The following XPO4 variants were observed in gnomAD, a reference collection of about 807,000 sequenced individuals.
XPO4 encodes exportin-4.
Under a neutral mutation model 143.0 loss-of-function variants are expected in XPO4, and 39 were observed. The observed-to-expected ratio is 0.27, with a 90% CI of 0.21 to 0.36. The LOEUF (loss-of-function observed/expected upper bound fraction) is 0.36. XPO4 is among the 10% of genes least tolerant of loss of function. XPO4 has a pLI of 1.00. For synonymous variants in XPO4, 439 were observed against 474.0 expected (o/e 0.93, Z 0.96); for missense variants, 907 against 1,348.0 (o/e 0.67, Z 5.12).
chr13:20,857,732 C>CA (rs2060158899), intron 3 of XPO4: 1 of 723,240 alleles, frequency 1.4e-6, no homozygotes. Flanking sequence ...ATCTCAAAAA[C>CA]AAACAAAAAA....
intron 13 of XPO4, among the ~76,000 whole-genome samples, chr13:20,806,523 A>ATTCACT (rs932915682): frequency 7.6e-6 from 1 of 131,276 alleles, no homozygotes; most frequent in African/African-American, 2.8e-5. Flanking sequence ...TTGTTTTCAA[A>ATTCACT]TTCACTTTCA....
At chr13:20,859,785 TAA>T (rs531329457) in intron 3 of XPO4, 294 of 677,218 alleles carry the variant, frequency 4.3e-4, no homozygotes, top group Middle Eastern at 2.3e-3. Flanking sequence ...CAAAAAAAAT[TAA>T]AAAAAAAAAA....
intron 2 of XPO4, among the ~76,000 whole-genome samples, chr13:20,864,433 A>G (rs2060227307): frequency 6.6e-6 from 1 of 152,224 alleles, no homozygotes; most frequent in Admixed American, 6.5e-5. Context: ...GATTTCAACA[A>G]TGAAGCAAAA....
chr13:20,896,953 T>C (rs7320094), intron 1 of XPO4, among the ~76,000 whole-genome samples: 151,373 of 152,334 alleles, frequency 0.99, 75,226 homozygotes, highest in East Asian at 1. Context: ...AATGCCTTTT[T>C]GCATTTCTTC....
At position 20,797,446 on chromosome 13, in the gene XPO4, G is replaced by GT. The variant is rs562922505; in HGVS notation, c.2323-390dup. 1.5e-3 allele frequency among the ~76,000 whole-genome samples: 234 copies of GT among 152,244 alleles called. 1 individual carries two copies. Among genetic ancestry groups the GT allele is most frequent in the African/African-American group, 4.3e-3 (177 of 41,544 alleles). On this transcript the variant is annotated intron_variant, in intron 16 of 22. Coordinates refer to ENST00000255305, the MANE Select transcript of XPO4 (RefSeq NM_022459.5). ...GAAGCCCAATTCAAAGTTCTTGTCT[G>GT]TTTTTTTCCTTTTTCCTTTACCTAA...
intron 1 of XPO4, 95 bp downstream of exon 1, chr13:20,902,575 T>C: frequency 7.2e-7 from 1 of 1,395,568 alleles, no homozygotes; most frequent in Non-Finnish European, 9.4e-7. Flanking sequence ...TGCAGGCCCT[T>C]GCCAGTCGCC....
At chr13:20,840,262 C>T (rs1566599236) in intron 6 of XPO4, among the ~76,000 whole-genome samples, 2 of 152,022 alleles carry the variant, frequency 1.3e-5, no homozygotes, top group African/African-American at 4.8e-5. Context: ...AGGGTGAGTG[C>T]AGTGGCATGA....
chr13:20,866,326 G>A (rs1332745267), intron 2 of XPO4: 7 of 984,824 alleles, frequency 7.1e-6, no homozygotes, highest in South Asian at 4.7e-5. Flanking sequence ...GAGGAAAAAT[G>A]AGCAACATAT....
chr13:20,902,560 C>G (rs1175401717), intron 1 of XPO4, 110 bp downstream of exon 1: 2 of 1,333,182 alleles, frequency 1.5e-6, no homozygotes, highest in African/African-American at 3.1e-5. Flanking sequence ...CACTTCCAGG[C>G]TCCCTGCAGG....
chr13:20,862,634 T>G, intron 3 of XPO4, 83 bp downstream of exon 3: 1 of 1,573,404 alleles, frequency 6.4e-7, no homozygotes, highest in Non-Finnish European at 8.6e-7. Context: ...CCAAAAGTTT[T>G]TAAAATGCAA....
intron 3 of XPO4, among the ~76,000 whole-genome samples, chr13:20,858,667 C>T (rs1436809856): frequency 6.6e-6 from 1 of 151,846 alleles, no homozygotes; most frequent in Non-Finnish European, 1.5e-5. Flanking sequence ...GTCATGAGTT[C>T]GAGACCAGCC....
chr13:20,823,635 G>A (rs2059748002), intron 7 of XPO4, among the ~76,000 whole-genome samples: 2 of 150,514 alleles, frequency 1.3e-5, no homozygotes, highest in African/African-American at 4.9e-5. Flanking sequence ...TTTGTGACCT[G>A]TGGAAATTAC....
chr13:20,899,346 T>TA lies in XPO4; in HGVS notation c.69+3323dup, dbSNP rs540285081. Among the ~76,000 whole-genome samples the TA allele has an allele frequency of 6.0e-3, 696 of 116,644 alleles. 7 individuals carry two copies. The highest frequency in any genetic ancestry group is 0.011 in the Admixed American group (132 of 11,632). The allele number at this position is 116,644 out of a possible 152,430, so 76.5% of individuals were successfully genotyped here. A position where few individuals can be genotyped will look rare whatever the true frequency, so the allele number is the denominator to read the frequency against. Reference sequence around the variant, plus strand: ...AACCAACATGGTTGAGTAAAAAAAGTAAAAAAAAAAAAAAAAGAGTAAAGG... The same window carrying TA: ...AACCAACATGGTTGAGTAAAAAAAGTAAAAAAAAAAAAAAAAAGAGTAAAGG... On this transcript the variant is annotated intron_variant, in intron 1 of 22. Coordinates refer to ENST00000255305, the MANE Select transcript of XPO4 (RefSeq NM_022459.5).
intron 3 of XPO4, among the ~76,000 whole-genome samples, chr13:20,862,402 A>G (rs2060210004): frequency 6.6e-6 from 1 of 152,206 alleles, no homozygotes; most frequent in Admixed American, 6.5e-5. Context: ...TAAGCACCAA[A>G]ACTACCTACA....
At chr13:20,851,998 CAG>C (rs2060094507) in intron 4 of XPO4, 1 of 985,276 alleles carries the variant, frequency 1.0e-6, no homozygotes, top group South Asian at 4.7e-5. Flanking sequence ...GCAGAGAACT[CAG>C]TTCCCAAGTA....
chr13:20,811,513 C>T (rs1055048238), intron 9 of XPO4, among the ~76,000 whole-genome samples: 3 of 152,028 alleles, frequency 2.0e-5, no homozygotes, highest in African/African-American at 7.2e-5. Flanking sequence ...GTCTCGAACT[C>T]CTGGCCTCAA....
chr13:20,885,172 A>G (rs950261613), intron 1 of XPO4, among the ~76,000 whole-genome samples: 5 of 152,040 alleles, frequency 3.3e-5, no homozygotes, highest in Non-Finnish European at 7.4e-5. Context: ...CTGGTCTCGA[A>G]CTCCCAACCT....
chr13:20,853,336 C>CGAAAAAAAA (rs2060109362), intron 4 of XPO4, among the ~76,000 whole-genome samples: 1 of 101,988 alleles, frequency 9.8e-6, no homozygotes, highest in Non-Finnish European at 1.9e-5. Flanking sequence ...GACCCTGTCT[C>CGAAAAAAAA]AAAAAAAAAA....
intron 9 of XPO4, among the ~76,000 whole-genome samples, chr13:20,813,111 A>C (rs1308133225): frequency 6.6e-6 from 1 of 152,128 alleles, no homozygotes; most frequent in Non-Finnish European, 1.5e-5. Flanking sequence ...AGCAGGAGGG[A>C]AACAGTGAGG....
Sources: gnomAD v4.1 joint callset for allele counts (sites outside exome capture counted in the v4.1 genomes callset) on GRCh38, gnomAD v4.1.1 for gene constraint, MANE v1.5 for transcripts, NCBI Gene and HGNC (gene_info 2026-07-23, HGNC 2026-07-21) for gene names.